Variants in USP5 observed in about 807,000 individuals in gnomAD.
The protein encoded by USP5 is ubiquitin carboxyl-terminal hydrolase 5.
In USP5, 24 loss-of-function variants were observed where a neutral mutation model predicts 102.5. The ratio of observed to expected loss-of-function variants is 0.23; its 90% CI spans 0.17 to 0.33. The LOEUF is 0.33. USP5 is among the 10% of genes least tolerant of loss of function. USP5 has a pLI of 1.00. For missense variants in USP5, 753 were observed against 1,122.1 expected (o/e 0.67, Z 4.70); for synonymous variants, 460 against 434.8 (o/e 1.06, Z -0.72).
Position 6,864,311 on chromosome 12 carries a change from G to T in USP5, c.2244+116G>T. The T allele has an allele frequency of 7.1e-7, 1 of 1,399,928 alleles. No individual in the cohort carries two copies. The highest frequency in any genetic ancestry group is 9.4e-7 in the Non-Finnish European group (1 of 1,064,854). 86.7% of individuals were successfully genotyped at this position (1,399,928 alleles called of 1,614,324 possible). A position where few individuals can be genotyped will look rare whatever the true frequency, so the allele number is the denominator to read the frequency against. On this transcript the variant is annotated intron_variant, in intron 17 of 19. Coordinates refer to ENST00000229268, the MANE Select transcript of USP5 (RefSeq NM_001098536.2). The surrounding 1 kb of genome is among the most constrained non-coding windows in gnomAD (Gnocchi z 4.8). ...ACAGGTGTGGTCTGGCCGAGGTTGG[G>T]CACCACTCTTTTGTGGCTGCGATGA...
Position 6,856,430 on chromosome 12 carries a change from C to T in USP5, c.564C>T (p.Asn188=), listed in dbSNP as rs2138040914. 6.2e-7 allele frequency: 1 copy of T among 1,612,396 alleles called. No individual in the cohort carries two copies. The highest frequency in any genetic ancestry group is 1.7e-5 in the Admixed American group (1 of 59,916). The change falls in exon 5 of 20, where the codon AAC becomes AAT. Residue 188 remains asparagine (N), a synonymous_variant. Transcript: ENST00000229268. The surrounding 1 kb of genome is among the most constrained non-coding windows in gnomAD (Gnocchi z 5.6). ...CCTTCAGCCTCAAGCAGTTGGACAA[C>T]CCTGCTCGAATCCCTCCCTGGTGAG... ...KHAFSLKQLD[N]PARIPPCGWK...
rs752040428 is a variant in USP5 at position 6,855,954 on chromosome 12, C to A, written c.305-63C>A. ...GGATGGGGCAAGTGAGGTGCTGGCT[C>A]GGAGGAGGGACATTGACCTGTTGTC... On this transcript the variant is annotated intron_variant, in intron 3 of 19. Transcript: ENST00000229268. The surrounding 1 kb of genome is among the most constrained non-coding windows in gnomAD (Gnocchi z 4.6). 6.2e-7 allele frequency: 1 copy of A among 1,607,106 alleles called. No homozygotes were observed. The highest frequency in any genetic ancestry group is 1.7e-5 in the Admixed American group (1 of 59,876).
At position 6,861,997 on chromosome 12, in the gene USP5, C is replaced by T. The variant is rs1048028046; in HGVS notation, c.1673+380C>T. The stretch of plus-strand genomic sequence containing the variant: ...TTGGCACCTGGCATGGGTGTGAGAC[C>T]TGAAAAAGGGCTTTGGTCTCGGGGA... On this transcript the variant is annotated intron_variant, in intron 13 of 19. Coordinates refer to ENST00000229268, the MANE Select transcript of USP5 (RefSeq NM_001098536.2). The surrounding 1 kb of genome is among the most constrained non-coding windows in gnomAD (Gnocchi z 4.9). 6.6e-6 allele frequency among the ~76,000 whole-genome samples: 1 copy of T among 151,876 alleles called. No homozygotes were observed. The highest frequency in any genetic ancestry group is 2.4e-5 in the African/African-American group (1 of 41,336).
Position 6,856,008 on chromosome 12 carries a change from T to C in USP5, c.305-9T>C. 3.1e-6 allele frequency: 5 copies of C among 1,614,120 alleles called. No homozygotes were observed. The highest frequency in any genetic ancestry group is 1.3e-5 in the African/African-American group (1 of 75,040). On this transcript the variant is annotated splice_polypyrimidine_tract_variant and intron_variant, in intron 3 of 19. Transcript: ENST00000229268. The surrounding 1 kb of genome is among the most constrained non-coding windows in gnomAD (Gnocchi z 5.6). ...GCTCTACTCTCCCTCTTCTTCCCTA[T>C]CCTTCCAGGTGTTGAAGGCGGATTT...
In USP5 at chr12:6,858,872, A is replaced by G. The variant is rs993165271; in HGVS notation, c.1058+255A>G. The G allele has an allele frequency of 2.8e-6, 1 of 353,044 alleles. No homozygotes were observed. The allele number at this position is 353,044 out of a possible 1,614,324, so 21.9% of individuals were successfully genotyped here. A position where few individuals can be genotyped will look rare whatever the true frequency, so the allele number is the denominator to read the frequency against. ...TGTCTTCTCTTAAAAAAAAAAAAGA[A>G]TAATTCCTGTCACACTCTGGCTGAC... On this transcript the variant is annotated intron_variant, in intron 8 of 19. Coordinates refer to ENST00000229268, the MANE Select transcript of USP5 (RefSeq NM_001098536.2). The surrounding 1 kb of genome is among the most constrained non-coding windows in gnomAD (Gnocchi z 4.2).
At position 6,861,410 on chromosome 12, in the gene USP5, T is replaced by A. The variant is rs1944273414; in HGVS notation, c.1499-33T>A. 1 of 1,537,062 alleles carries A rather than the reference T, an allele frequency of 6.5e-7. No homozygotes were observed. Among genetic ancestry groups the A allele is most frequent in the African/African-American group, 1.4e-5 (1 of 72,904 alleles). On this transcript the variant is annotated intron_variant, in intron 12 of 19. Coordinates refer to ENST00000229268, the MANE Select transcript of USP5 (RefSeq NM_001098536.2). The surrounding 1 kb of genome is among the most constrained non-coding windows in gnomAD (Gnocchi z 4.9). ...CTAAGGAGGCAAAGAAGCAGCACCC[T>A]CCGAAGGATCCACCAACCCATTCTG...
In USP5 at chr12:6,855,391, T is replaced by C; in HGVS notation, c.112-10T>C. ...TCCTCGTGTTTTCACCCTTACCTCT[T>C]GTCCCACAGGAGTCTGAGGGGGGCC... On this transcript the variant is annotated splice_polypyrimidine_tract_variant and intron_variant, in intron 1 of 19. Transcript: ENST00000229268. The surrounding 1 kb of genome is among the most constrained non-coding windows in gnomAD (Gnocchi z 4.6). The C allele has an allele frequency of 1.2e-6, 2 of 1,613,982 alleles. No homozygotes were observed. Among genetic ancestry groups the C allele is most frequent in the South Asian group, 1.1e-5 (1 of 91,034 alleles).
rs1439795241 is a variant in USP5, at chr12:6,864,775, G to A, written c.2298G>A (p.Leu766=). The A allele has an allele frequency of 6.2e-7, 1 of 1,613,656 alleles. No individual in the cohort carries two copies. Among genetic ancestry groups the A allele is most frequent in the Non-Finnish European group, 8.5e-7 (1 of 1,180,040 alleles). Residue 766 remains leucine (L), a synonymous_variant, in exon 18 of 20, where the codon CTG becomes CTA. Coordinates refer to ENST00000229268, the MANE Select transcript of USP5 (RefSeq NM_001098536.2). The surrounding 1 kb of genome is among the most constrained non-coding windows in gnomAD (Gnocchi z 4.8). ...VDWIFSHIDD[L]DAEAAMDISE... is the part of the protein sequence containing the mutation. ...GGATCTTCAGTCACATTGACGACCT[G>A]GATGCTGAAGCTGCCATGGACATCT...
chr12:6,862,117 G>GT (rs1565532967), intron 13 of USP5, among the ~76,000 whole-genome samples: 2 of 149,002 alleles, frequency 1.3e-5, no homozygotes, highest in Admixed American at 1.3e-4. Flanking sequence ...GTCTTGCTAT[G>GT]TTTTTTTCCC....
Position 6,864,986 on chromosome 12 carries a change from AC to A in USP5, c.2398+113del, listed in dbSNP as rs1218040292. The A allele has an allele frequency of 2.1e-6, 3 of 1,457,186 alleles. No homozygotes were observed. In the African/African-American group the frequency reaches 4.2e-5, roughly 21 times the overall value. The allele number at this position is 1,457,186 out of a possible 1,614,324, so 90.3% of individuals were successfully genotyped here. ...CCTCAGGAGTCAGGGGCTTCTTTCCACCTCAACGTGGCATCTGAGGGTGGGG... is the reference window on the plus strand; with the variant it reads ...CCTCAGGAGTCAGGGGCTTCTTTCCACTCAACGTGGCATCTGAGGGTGGGG... On this transcript the variant is annotated intron_variant, in intron 18 of 19. Coordinates refer to ENST00000229268, the MANE Select transcript of USP5 (RefSeq NM_001098536.2). This position sits in a 1 kb window ranked among gnomAD's most constrained non-coding sequence, Gnocchi z 4.8.
rs1267817567 is a variant in USP5 at position 6,860,727 on chromosome 12, T to A, written c.1345-226T>A. On this transcript the variant is annotated intron_variant, in intron 11 of 19. Coordinates refer to ENST00000229268, the MANE Select transcript of USP5 (RefSeq NM_001098536.2). The surrounding 1 kb of genome is among the most constrained non-coding windows in gnomAD (Gnocchi z 5.5). Reference sequence around the variant, plus strand: ...AAGACAATGATAAGAGAATACTTGCTGCTTATAAAGAAAAATACAAGCGTG... The same window carrying A: ...AAGACAATGATAAGAGAATACTTGCAGCTTATAAAGAAAAATACAAGCGTG... 6.6e-6 allele frequency among the ~76,000 whole-genome samples: 1 copy of A among 152,228 alleles called. No individual in the cohort carries two copies. Among genetic ancestry groups the A allele is most frequent in the Non-Finnish European group, 1.5e-5 (1 of 68,050 alleles).
rs782392225 is a variant in USP5 at position 6,855,757 on chromosome 12, A to G, written c.240A>G (p.Lys80=). 1.2e-6 allele frequency: 2 copies of G among 1,614,130 alleles called. No individual in the cohort carries two copies. The highest frequency in any genetic ancestry group is 3.3e-5 in the Admixed American group (2 of 60,016). The change falls in exon 3 of 20, where the codon AAA becomes AAG. Residue 80 remains lysine, a splice_region_variant and synonymous_variant. Coordinates refer to ENST00000229268, the MANE Select transcript of USP5 (RefSeq NM_001098536.2). This position sits in a 1 kb window ranked among gnomAD's most constrained non-coding sequence, Gnocchi z 4.6. The part of the protein sequence containing the change: ...YLHLRRTRRP[K]EEDPATGTGD... Reference sequence around the variant, plus strand: ...CAGCCCTTCCTGCTTCTTTACAGAAAGAGGAGGACCCTGCTACAGGCACTG... The same window carrying G: ...CAGCCCTTCCTGCTTCTTTACAGAAGGAGGAGGACCCTGCTACAGGCACTG...
At position 6,864,906 on chromosome 12, in the gene USP5, G is replaced by C; in HGVS notation, c.2398+31G>C. 1 of 1,604,292 alleles carries C rather than the reference G, an allele frequency of 6.2e-7. No individual in the cohort carries two copies. The highest frequency in any genetic ancestry group is 8.5e-7 in the Non-Finnish European group (1 of 1,174,444). On this transcript the variant is annotated intron_variant, in intron 18 of 19. Coordinates refer to ENST00000229268, the MANE Select transcript of USP5 (RefSeq NM_001098536.2). This position sits in a 1 kb window ranked among gnomAD's most constrained non-coding sequence, Gnocchi z 4.8. ...TATCCCCAGGAAGCAGGACAGGCCT[G>C]GTGGAATCTGGTCAGTCTACTACAC...
intron 1 of USP5, among the ~76,000 whole-genome samples, chr12:6,852,711 G>A (rs1943961318): frequency 6.6e-6 from 1 of 152,228 alleles, no homozygotes; most frequent in African/African-American, 2.4e-5. Context: ...TCTCGGCCGG[G>A]GTTGGAGTTG....
At position 6,863,915 on chromosome 12, in the gene USP5, G is replaced by A. The variant is rs782066186; in HGVS notation, c.2040G>A (p.Thr680=). Residue 680 remains threonine (T), a synonymous_variant, in exon 16 of 20, where the codon ACG becomes ACA. Coordinates refer to ENST00000229268, the MANE Select transcript of USP5 (RefSeq NM_001098536.2). This position sits in a 1 kb window ranked among gnomAD's most constrained non-coding sequence, Gnocchi z 4.7. The part of the protein sequence containing the change: ...MDACRKAVYY[T]GNSGAEAAMN... The stretch of plus-strand genomic sequence containing the variant: ...CCTGCCGCAAAGCTGTCTACTACAC[G>A]GGCAACAGCGGGGCTGAGGCCGCCA... 40 of 1,610,846 alleles carry A rather than the reference G, an allele frequency of 2.5e-5. No individual in the cohort carries two copies. The highest frequency in any genetic ancestry group is 3.3e-4 in the Middle Eastern group (2 of 6,068).
chr12:6,853,576 AC>A (rs1221983084), intron 1 of USP5, among the ~76,000 whole-genome samples: 1 of 152,204 alleles, frequency 6.6e-6, no homozygotes, highest in Non-Finnish European at 1.5e-5. Flanking sequence ...TTCTTAAATT[AC>A]CAGCAGGTGG....
rs78835987 is a variant in USP5 at position 6,864,241 on chromosome 12, G to A, written c.2244+46G>A. On this transcript the variant is annotated intron_variant, in intron 17 of 19. Transcript: ENST00000229268. This position sits in a 1 kb window ranked among gnomAD's most constrained non-coding sequence, Gnocchi z 4.8. ...GGACATGGGGCCAGTGGGGAAGAAG[G>A]GGGTGGGAATGAGGGGCCATCCTTC... The A allele has an allele frequency of 3.3e-6, 5 of 1,537,928 alleles. No individual in the cohort carries two copies. The highest frequency in any genetic ancestry group is 4.1e-5 in the Admixed American group (2 of 48,532).
Position 6,855,965 on chromosome 12 carries a change from C to T in USP5, c.305-52C>T. 1 of 1,610,688 alleles carries T rather than the reference C, an allele frequency of 6.2e-7. No homozygotes were observed. The highest frequency in any genetic ancestry group is 8.5e-7 in the Non-Finnish European group (1 of 1,177,402). ...GTGAGGTGCTGGCTCGGAGGAGGGACATTGACCTGTTGTCATTGCTCTACT... is the reference window on the plus strand; with the variant it reads ...GTGAGGTGCTGGCTCGGAGGAGGGATATTGACCTGTTGTCATTGCTCTACT... On this transcript the variant is annotated intron_variant, in intron 3 of 19. Coordinates refer to ENST00000229268, the MANE Select transcript of USP5 (RefSeq NM_001098536.2). This position sits in a 1 kb window ranked among gnomAD's most constrained non-coding sequence, Gnocchi z 4.6.
Position 6,866,623 on chromosome 12 carries a change from A to G in USP5, c.*546A>G, listed in dbSNP as rs1045713681. 1 of 155,396 alleles carries G rather than the reference A, an allele frequency of 6.4e-6. No individual in the cohort carries two copies. Among genetic ancestry groups the G allele is most frequent in the Admixed American group, 6.3e-5 (1 of 15,836 alleles). The allele number at this position is 155,396 out of a possible 1,614,324, so 9.6% of individuals were successfully genotyped here. A position where few individuals can be genotyped will look rare whatever the true frequency, so the allele number is the denominator to read the frequency against. On this transcript the variant is annotated 3_prime_UTR_variant, in exon 20 of 20. Coordinates refer to ENST00000229268, the MANE Select transcript of USP5 (RefSeq NM_001098536.2). The surrounding 1 kb of genome is among the most constrained non-coding windows in gnomAD (Gnocchi z 4.7). ...AAATACACGATGTGAATAAAAGTACAACGGCTAAATTGTGTCCTGTTTGAT... is the reference window on the plus strand; with the variant it reads ...AAATACACGATGTGAATAAAAGTACGACGGCTAAATTGTGTCCTGTTTGAT...
Sources: gnomAD v4.1 joint callset for allele counts (sites outside exome capture counted in the v4.1 genomes callset) on GRCh38, gnomAD v4.1.1 for gene constraint, Gnocchi (gnomAD v3.1) non-coding constraint, MANE v1.5 for transcripts, NCBI Gene and HGNC (gene_info 2026-07-23, HGNC 2026-07-21) for gene names.